The following DDX46 variants were observed in gnomAD, a reference collection of about 807,000 sequenced individuals.
The protein encoded by DDX46 is probable ATP-dependent RNA helicase DDX46.
DDX46 carries 30 observed loss-of-function variants against 134.9 expected under a neutral mutation model. That is an observed-to-expected ratio of 0.22 (90% CI 0.17 to 0.30). DDX46 has a LOEUF of 0.30. DDX46 is among the 10% of genes least tolerant of loss of function. The pLI is 1.00. For synonymous variants in DDX46, 415 were observed against 404.1 expected, an observed-to-expected ratio of 1.03 and a Z score of -0.32; for missense variants, 622 against 1,248.7, an observed-to-expected ratio of 0.50 and a Z score of 7.56.
chr5:134,816,592 A>G lies in DDX46; in HGVS notation c.2599A>G (p.Ile867Val), dbSNP rs776990995. 5.6e-6 allele frequency: 9 copies of G among 1,613,374 alleles called. No homozygotes were observed. The South Asian group carries it at 8.8e-5, about 16-fold the overall frequency. Residue 867 changes from isoleucine to valine, a missense_variant, in exon 19 of 23, where the codon ATC (isoleucine) becomes GTC (valine). Physicochemically the swap from Ile to Val is conservative, Grantham distance 29 (BLOSUM62 3). Transcript: ENST00000452510. ...LRINAQKNLG[I>V]ESQVDVMQQA... ...AATCAATGCCCAGAAGAATTTGGGC[A>G]TCGAGTCTCAGGTATTAAGTAATTT...
chr5:134,760,489 C>T (rs1195372459), intron 1 of DDX46, among the ~76,000 whole-genome samples: 1 of 152,114 alleles, frequency 6.6e-6, no homozygotes, highest in Non-Finnish European at 1.5e-5. Flanking sequence ...TTTTGAAGAT[C>T]AGAATTTGTT....
At chr5:134,790,665 C>A in intron 13 of DDX46, 113 bp downstream of exon 13, 1 of 869,684 alleles carries the variant, frequency 1.1e-6, no homozygotes, top group Non-Finnish European at 1.8e-6. Flanking sequence ...TTCTGTTGCA[C>A]GGTAATACAG....
intron 13 of DDX46, among the ~76,000 whole-genome samples, chr5:134,790,861 C>T (rs972701360): frequency 2.6e-5 from 4 of 151,962 alleles, no homozygotes; most frequent in Admixed American, 2.0e-4. Flanking sequence ...CTTGCTCTGT[C>T]GCCCAGACTG....
chr5:134,817,486 TTAAC>T lies in DDX46; in HGVS notation c.2614-7_2614-4del. On this transcript the variant is annotated splice_polypyrimidine_tract_variant and splice_region_variant and intron_variant, in intron 19 of 22. Coordinates refer to ENST00000452510, the MANE Select transcript of DDX46 (RefSeq NM_001300860.2). ...CATTTGAGATTTAACTAAGTCTTCT[TTAAC>T]TACAGGATGTGATGCAGCAGGCCAC... 6.2e-7 allele frequency: 1 copy of T among 1,610,740 alleles called. No individual in the cohort carries two copies. Among genetic ancestry groups the T allele is most frequent in the Non-Finnish European group, 8.5e-7 (1 of 1,178,234 alleles).
chr5:134,776,912 T>G (rs1753956409), intron 5 of DDX46, among the ~76,000 whole-genome samples: 3 of 102,268 alleles, frequency 2.9e-5, no homozygotes, highest in Admixed American at 1.3e-4. Context: ...AGACTCTGTC[T>G]CAAAAAAAAA....
chr5:134,770,890 AT>A lies in DDX46; in HGVS notation c.351-6del, dbSNP rs1561852736. The A allele has an allele frequency of 4.5e-6, 7 of 1,564,054 alleles. No homozygotes were observed. Among genetic ancestry groups the A allele is most frequent in the Admixed American group, 2.2e-5 (1 of 45,844 alleles). On this transcript the variant is annotated splice_polypyrimidine_tract_variant and intron_variant, in intron 3 of 22. Transcript: ENST00000452510. ...GAATGACATTTCTCTTGTCTCTTTT[AT>A]TTTTTTGGTAGATCTAGGTCCAAAG... is the stretch of plus-strand genomic sequence containing the variant.
chr5:134,818,862 T>C lies in DDX46; in HGVS notation c.2835T>C (p.Thr945=), dbSNP rs202161286. 103 of 1,610,432 alleles carry C rather than the reference T, an allele frequency of 6.4e-5. 1 individual carries two copies. The East Asian group carries it at 2.3e-3, about 36-fold the overall frequency. ...CTTTTCCTTACCTTTTCTTTTAGAC[T>C]GCTAGGTGGAAAGTTACCTCTAAGG... ...EELEINDFPQ[T]ARWKVTSKEA... is the part of the protein sequence containing the mutation. Residue 945 remains threonine, a splice_region_variant and synonymous_variant, in exon 21 of 23, where the codon ACT becomes ACC. Coordinates refer to ENST00000452510, the MANE Select transcript of DDX46 (RefSeq NM_001300860.2).
chr5:134,814,484 T>C (rs957086102), intron 18 of DDX46, among the ~76,000 whole-genome samples: 1 of 152,210 alleles, frequency 6.6e-6, no homozygotes, highest in Non-Finnish European at 1.5e-5. Context: ...CTTCCCCCTT[T>C]CCTGATTTTA....
At chr5:134,826,909 T>C in intron 21 of DDX46, 38 bp from the exon 22 acceptor site, 1 of 1,598,528 alleles carries the variant, frequency 6.3e-7, no homozygotes. Flanking sequence ...AGTGTAAGTT[T>C]AGTAATTTGA....
chr5:134,782,296 A>G (rs1004187190), intron 8 of DDX46, among the ~76,000 whole-genome samples: 2 of 152,072 alleles, frequency 1.3e-5, no homozygotes, highest in South Asian at 4.1e-4. Flanking sequence ...GTCTGAGCTC[A>G]GAAGTTCGAG....
rs71583216 is a variant in DDX46 at position 134,780,098 on chromosome 5, A to ATGTGTGTGTGTG, written c.766-1005_766-994dup. 4.1e-3 allele frequency among the ~76,000 whole-genome samples: 578 copies of ATGTGTGTGTGTG among 139,548 alleles called. 6 individuals carry two copies. The highest frequency in any genetic ancestry group is 0.025 in the Middle Eastern group (7 of 282). The allele number at this position is 139,548 out of a possible 152,430, so 91.5% of individuals were successfully genotyped here. A position where few individuals can be genotyped will look rare whatever the true frequency, so the allele number is the denominator to read the frequency against. On this transcript the variant is annotated intron_variant, in intron 6 of 22. Transcript: ENST00000452510. ...ATAAGACTCAGTCTGAAAAAAATAT[A>ATGTGTGTGTGTG]TGTGTGTGTGTGTGTGTGTGTGTGT... is the stretch of plus-strand genomic sequence containing the variant.
chr5:134,799,772 C>T (rs1394879972), intron 15 of DDX46, among the ~76,000 whole-genome samples: 4 of 151,194 alleles, frequency 2.6e-5, no homozygotes, highest in African/African-American at 9.7e-5. Context: ...AATCTGGGCA[C>T]AGTGTTGCAT....
intron 16 of DDX46, among the ~76,000 whole-genome samples, 156 bp from the exon 17 acceptor site, chr5:134,811,065 T>C (rs954385992): frequency 3.3e-5 from 5 of 152,226 alleles, no homozygotes; most frequent in African/African-American, 1.2e-4. Flanking sequence ...TTTGAACCAT[T>C]AAGTAATTTA....
chr5:134,807,617 CT>C, intron 15 of DDX46, 130 bp from the exon 16 acceptor site: 1 of 765,326 alleles, frequency 1.3e-6, no homozygotes, highest in South Asian at 2.2e-5. Context: ...ATTACATTTT[CT>C]TAGTCTTTTA....
intron 22 of DDX46, among the ~76,000 whole-genome samples, chr5:134,827,495 G>A (rs950193822): frequency 1.3e-5 from 2 of 152,074 alleles, no homozygotes; most frequent in Admixed American, 6.6e-5. Context: ...GGCTGGTCTC[G>A]AACTCCTGAC....
chr5:134,763,605 C>A (rs1231743222), intron 1 of DDX46, among the ~76,000 whole-genome samples: 3 of 152,122 alleles, frequency 2.0e-5, no homozygotes, highest in African/African-American at 7.2e-5. Flanking sequence ...GTGTTTGTTT[C>A]TTCACTTGTC....
At position 134,811,849 on chromosome 5, in the gene DDX46, A is replaced by G. The variant is rs200058824; in HGVS notation, c.2436+4A>G. Reference sequence around the variant, plus strand: ...TGATGAGGATGCTGCAGTTGATGTAAGTACTATTATTCTCTCATTCTTAAT... The same window carrying G: ...TGATGAGGATGCTGCAGTTGATGTAGGTACTATTATTCTCTCATTCTTAAT... On this transcript the variant is annotated splice_donor_region_variant and intron_variant, in intron 18 of 22. Transcript: ENST00000452510. The G allele has an allele frequency of 1.1e-5, 17 of 1,606,534 alleles. No homozygotes were observed. The highest frequency in any genetic ancestry group is 1.4e-5 in the Non-Finnish European group (16 of 1,178,144).
Position 134,820,212 on chromosome 5 carries a change from G to A in DDX46, c.2977+1208G>A, listed in dbSNP as rs927142275. Among the ~76,000 whole-genome samples, 8 of 152,264 alleles carry A rather than the reference G, an allele frequency of 5.3e-5. No individual in the cohort carries two copies. In the South Asian group the frequency reaches 6.2e-4, roughly 12 times the overall value. On this transcript the variant is annotated intron_variant, in intron 21 of 22. Coordinates refer to ENST00000452510, the MANE Select transcript of DDX46 (RefSeq NM_001300860.2). ...TGGGATTACAGGCATGAGCCACCGC[G>A]CCCAGCCCACTTTATTTATATTTAA...
rs1407227475 is a variant in DDX46, at chr5:134,827,009, C to T, written c.3040C>T (p.Leu1014=). The change falls in exon 22 of 23, where the codon CTG becomes TTG. Residue 1014 remains leucine (L), a synonymous_variant. Coordinates refer to ENST00000452510, the MANE Select transcript of DDX46 (RefSeq NM_001300860.2). ...AATCACCAGGCTCATAAAAGAAGAG[C>T]TGATCCGGCTGGTGAGTGAAAACCT... is the stretch of plus-strand genomic sequence containing the variant. ...AEITRLIKEE[L]IRLQNSYQPT... is the part of the protein sequence containing the mutation. The T allele has an allele frequency of 6.2e-7, 1 of 1,612,462 alleles. No homozygotes were observed. Among genetic ancestry groups the T allele is most frequent in the African/African-American group, 1.3e-5 (1 of 74,904 alleles).
Sources: gnomAD v4.1 joint callset for allele counts (sites outside exome capture counted in the v4.1 genomes callset) on GRCh38, gnomAD v4.1.1 for gene constraint, MANE v1.5 for transcripts, NCBI Gene and HGNC (gene_info 2026-07-23, HGNC 2026-07-21) for gene names.